Variants in DLG2 observed in about 807,000 individuals in gnomAD.
The protein encoded by DLG2 is discs large MAGUK scaffold protein 2, also known as disks large homolog 2.
Under a neutral mutation model 132.5 loss-of-function variants are expected in DLG2, and 45 were observed. That is an observed-to-expected ratio of 0.34 (90% confidence interval 0.27 to 0.44). The LOEUF (loss-of-function observed/expected upper bound fraction) is 0.44, where lower values mean the gene tolerates loss of function less well. DLG2 is among the 20% of genes least tolerant of loss of function. DLG2 has a pLI of 1.00. For synonymous variants in DLG2, 424 were observed against 419.6 expected (o/e 1.01, Z -0.13); for missense variants, 1,045 against 1,196.9 (o/e 0.87, Z 1.87).
At chr11:84,153,314 T>C (rs2095348831) in intron 9 of DLG2, among the ~76,000 whole-genome samples, 1 of 152,196 alleles carries the variant, frequency 6.6e-6, no homozygotes, top group Non-Finnish European at 1.5e-5. Context: ...TGACTTTGTT[T>C]CTTGGGGTTG....
intron 7 of DLG2, among the ~76,000 whole-genome samples, chr11:84,477,448 TTG>T (rs1377662881): frequency 2.6e-5 from 4 of 152,046 alleles, no homozygotes; most frequent in African/African-American, 9.7e-5. Flanking sequence ...TGAGCCAATT[TTG>T]TGTCATTGTA....
chr11:84,876,318 C>G (rs2086341749), intron 6 of DLG2, among the ~76,000 whole-genome samples: 1 of 152,124 alleles, frequency 6.6e-6, no homozygotes, highest in African/African-American at 2.4e-5. Flanking sequence ...TGGTCCTAGA[C>G]TTTTTTGATT....
intron 6 of DLG2, among the ~76,000 whole-genome samples, chr11:84,687,575 G>A (rs2099739218): frequency 6.6e-6 from 1 of 151,980 alleles, no homozygotes; most frequent in Non-Finnish European, 1.5e-5. Flanking sequence ...AAACCTACCT[G>A]CCTTCTTAAA....
At chr11:85,539,367 G>A (rs1441265832) in intron 3 of DLG2, among the ~76,000 whole-genome samples, 1 of 152,132 alleles carries the variant, frequency 6.6e-6, no homozygotes, top group Non-Finnish European at 1.5e-5. Flanking sequence ...TAAATGAATT[G>A]TTATGCTTTT....
At chr11:83,671,349 A>G (rs777383857) in intron 18 of DLG2, among the ~76,000 whole-genome samples, 21 of 152,232 alleles carry the variant, frequency 1.4e-4, no homozygotes, top group Non-Finnish European at 2.5e-4. Context: ...GTGAACCCAC[A>G]CTGCTTGAAT....
intron 7 of DLG2, among the ~76,000 whole-genome samples, chr11:84,343,718 A>G (rs1270888539): frequency 6.6e-6 from 1 of 152,234 alleles, no homozygotes; most frequent in Non-Finnish European, 1.5e-5. Flanking sequence ...ACAATACTTT[A>G]AAGCATGGTA....
At chr11:84,609,965 GC>G (rs2099592505) in intron 6 of DLG2, among the ~76,000 whole-genome samples, 1 of 152,038 alleles carries the variant, frequency 6.6e-6, no homozygotes, top group Admixed American at 6.6e-5. Flanking sequence ...AATCCTTTAT[GC>G]TTTTTTGCCT....
At chr11:85,257,943 T>TA (rs1271255617) in intron 4 of DLG2, among the ~76,000 whole-genome samples, 1 of 152,156 alleles carries the variant, frequency 6.6e-6, no homozygotes, top group East Asian at 1.9e-4. Context: ...GAAGTCAGTA[T>TA]CCAAATGAGT....
intron 6 of DLG2, among the ~76,000 whole-genome samples, chr11:84,959,897 A>G (rs1315979237): frequency 6.6e-6 from 1 of 152,210 alleles, no homozygotes; most frequent in Non-Finnish European, 1.5e-5. Context: ...TGAGGAAAAA[A>G]AAACTGGTTA....
chr11:85,307,308 A>T (rs754261839), intron 3 of DLG2, among the ~76,000 whole-genome samples: 6 of 152,220 alleles, frequency 3.9e-5, no homozygotes, highest in Non-Finnish European at 8.8e-5. Context: ...CAAGACAAGT[A>T]ATAAAAGAAA....
chr11:85,206,139 A>G (rs189797556), intron 4 of DLG2, among the ~76,000 whole-genome samples: 23 of 152,132 alleles, frequency 1.5e-4, no homozygotes, highest in African/African-American at 4.3e-4. Context: ...CCTGATCTCT[A>G]TCTTCCTCCT....
intron 4 of DLG2, among the ~76,000 whole-genome samples, chr11:85,220,637 A>AAAATATATATAT (rs371263007): frequency 7.4e-5 from 11 of 148,262 alleles, no homozygotes; most frequent in African/African-American, 1.5e-4. Context: ...TAGAAAAAAA[A>AAAATATATATAT]ATATATATAT....
At chr11:84,938,353 G>A (rs919681702) in intron 6 of DLG2, among the ~76,000 whole-genome samples, 1 of 152,060 alleles carries the variant, frequency 6.6e-6, no homozygotes, top group Non-Finnish European at 1.5e-5. Context: ...AGAATACTAG[G>A]TGACTAAAGA....
chr11:85,107,927 TAAAAAAAA>T (rs5793156), intron 6 of DLG2, among the ~76,000 whole-genome samples: 5 of 26,270 alleles, frequency 1.9e-4, no homozygotes, highest in African/African-American at 8.0e-4. Context: ...GGACAAGTCT[TAAAAAAAA>T]AAAAAAAAAA....
chr11:85,285,412 C>A (rs1343897650), intron 3 of DLG2, 47 bp from the exon 4 acceptor site: 3 of 1,574,942 alleles, frequency 1.9e-6, no homozygotes, highest in Non-Finnish European at 2.6e-6. Context: ...TGCATGACTT[C>A]ATAAATAGCT....
Position 85,170,889 on chromosome 11 carries a change from C to T in DLG2, c.187-16238G>A, listed in dbSNP as rs1016254858. ...TTTGCTTTCCCTTGGTCCCACCAGC[C>T]CAACTCCCCTTCTCTAATTAGGACT... On this transcript the variant is annotated intron_variant, in intron 4 of 27. Transcript: ENST00000376104. Among the ~76,000 whole-genome samples, 6 of 151,684 alleles carry T rather than the reference C, an allele frequency of 4.0e-5. No individual in the cohort carries two copies. The East Asian group carries it at 1.2e-3, about 29-fold the overall frequency.
intron 7 of DLG2, among the ~76,000 whole-genome samples, chr11:84,345,746 G>C (rs2098536763): frequency 6.6e-6 from 1 of 152,052 alleles, no homozygotes; most frequent in Non-Finnish European, 1.5e-5. Flanking sequence ...TTAGCAAATT[G>C]CAACTTGTAG....
chr11:84,873,837 T>C (rs1246251495), intron 6 of DLG2, among the ~76,000 whole-genome samples: 1 of 152,224 alleles, frequency 6.6e-6, no homozygotes, highest in African/African-American at 2.4e-5. Context: ...AACTGCTCCT[T>C]ATCTGAATAA....
At chr11:85,396,518 TA>T (rs988277696) in intron 3 of DLG2, among the ~76,000 whole-genome samples, 1 of 152,076 alleles carries the variant, frequency 6.6e-6, no homozygotes, top group Admixed American at 6.6e-5. Flanking sequence ...AGAAGGAAGC[TA>T]AAAACCTTGA....
Sources: allele counts gnomAD v4.1 joint callset (sites outside exome capture counted in the v4.1 genomes callset), GRCh38; gene constraint gnomAD v4.1.1; transcripts MANE v1.5; gene names NCBI Gene and HGNC (gene_info 2026-07-23, HGNC 2026-07-21).